The following CEP120 variants were observed in gnomAD, a reference collection of about 807,000 sequenced individuals.
CEP120 encodes centrosomal protein 120.
CEP120 carries 113 observed loss-of-function variants against 126.5 expected under a neutral mutation model. The observed-to-expected ratio is 0.89, with a 90% CI of 0.77 to 1.04. The LOEUF (loss-of-function observed/expected upper bound fraction) is 1.04. CEP120 is among the 50% of genes least tolerant of loss of function. The pLI is 0.00. For synonymous variants in CEP120, 400 were observed against 394.3 expected, an observed-to-expected ratio of 1.01 and a Z score of -0.17; for missense variants, 1,230 against 1,155.7, an observed-to-expected ratio of 1.06 and a Z score of -0.93.
chr5:123,419,986 A>G (rs1274344400), intron 1 of CEP120, among the ~76,000 whole-genome samples: 1 of 152,174 alleles, frequency 6.6e-6, no homozygotes, highest in African/African-American at 2.4e-5. Flanking sequence ...CCCTGCTGCT[A>G]CTCACCCTGG....
intron 11 of CEP120, among the ~76,000 whole-genome samples, chr5:123,383,671 C>A (rs1223619275): frequency 1.3e-5 from 2 of 152,028 alleles, no homozygotes; most frequent in Non-Finnish European, 2.9e-5. Flanking sequence ...TTTTACTAGA[C>A]ATAAGCAATG....
rs757479997 is a variant in CEP120 at position 123,346,773 on chromosome 5, T to C, written c.2727-20A>G. On this transcript the variant is annotated intron_variant, in intron 19 of 19. Coordinates refer to ENST00000306467, the MANE Select transcript of CEP120 (RefSeq NM_001375405.1). ...CTTAACCTGAGAAGTCAAGAACAAA[T>C]GCCACTGTAGCAACTGTGTTGGTTT... The C allele has an allele frequency of 1.9e-6, 3 of 1,539,680 alleles. No homozygotes were observed. The highest frequency in any genetic ancestry group is 2.8e-5 in the African/African-American group (2 of 72,608).
chr5:123,423,189 A>G lies in CEP120; in HGVS notation c.-191T>C. The G allele has an allele frequency of 1.7e-6, 1 of 603,986 alleles. No homozygotes were observed. The highest frequency in any genetic ancestry group is 1.9e-5 in the South Asian group (1 of 51,870). 37.4% of individuals were successfully genotyped at this position (603,986 alleles called of 1,614,324 possible). ...CCCGGCTCCTCTGCCTCGGGCCGCC[A>G]GCCCAGATCCTAACTGTGCCCCGAC... On this transcript the variant is annotated 5_prime_UTR_variant, in exon 1 of 20. Coordinates refer to ENST00000306467, the MANE Select transcript of CEP120 (RefSeq NM_001375405.1).
chr5:123,391,691 C>T (rs965313453), intron 6 of CEP120, among the ~76,000 whole-genome samples: 4 of 151,982 alleles, frequency 2.6e-5, no homozygotes, highest in African/African-American at 7.2e-5. Flanking sequence ...CAAAGAAATA[C>T]CTCAACATTT....
At chr5:123,389,089 C>T (rs894374761) in intron 8 of CEP120, among the ~76,000 whole-genome samples, 3 of 152,248 alleles carry the variant, frequency 2.0e-5, no homozygotes, top group African/African-American at 4.8e-5. Context: ...AGTGAGTGGC[C>T]GAAGTCACAC....
At chr5:123,388,194 TAA>T (rs1350201972) in intron 9 of CEP120, 6 of 263,334 alleles carry the variant, frequency 2.3e-5, no homozygotes, top group Admixed American at 1.6e-4. Flanking sequence ...TTACTTAGAA[TAA>T]GTTATTATAA....
chr5:123,356,740 C>CT (rs1434817419), intron 18 of CEP120, among the ~76,000 whole-genome samples: 9 of 151,820 alleles, frequency 5.9e-5, no homozygotes, highest in African/African-American at 2.2e-4. Context: ...ATGCAACATA[C>CT]TTTAAACATT....
At chr5:123,423,828 C>G (rs949829451), upstream of CEP120, among the ~76,000 whole-genome samples, 2 of 152,128 alleles carry the variant, frequency 1.3e-5, no homozygotes. Context: ...AAATTTCCGA[C>G]CTTTGAAAAC....
intron 4 of CEP120, chr5:123,401,715 G>A: frequency 1.5e-6 from 2 of 1,348,398 alleles, no homozygotes; most frequent in Non-Finnish European, 2.1e-6. Flanking sequence ...CGAGACTCCA[G>A]CTCTACCTTG....
In CEP120 at chr5:123,391,248, C is replaced by G. The variant is rs373217138; in HGVS notation, c.900G>C (p.Gln300His). 5 of 1,614,150 alleles carry G rather than the reference C, an allele frequency of 3.1e-6. No individual in the cohort carries two copies. Among genetic ancestry groups the G allele is most frequent in the Non-Finnish European group, 4.2e-6 (5 of 1,180,014 alleles). Residue 300 changes from glutamine to histidine, a missense_variant, in exon 7 of 20, where the codon CAG (glutamine) becomes CAC (histidine). Transcript: ENST00000306467. ...AAGCACCTTCGACTGTGACTGGGTG[C>G]TGGTTGATTTCTGTACTGCCCTTTT... ...LLKKGSTEIN[Q>H]HPVTVEGAFT...
At chr5:123,399,054 G>A (rs925070589) in intron 5 of CEP120, 82 bp downstream of exon 5, 2 of 1,079,078 alleles carry the variant, frequency 1.9e-6, no homozygotes, top group Middle Eastern at 2.2e-4. Flanking sequence ...CTACTTGCAA[G>A]TCTTTTTAAT....
intron 11 of CEP120, among the ~76,000 whole-genome samples, 184 bp downstream of exon 11, chr5:123,384,767 G>C (rs752630365): frequency 3.3e-5 from 5 of 152,222 alleles, no homozygotes; most frequent in South Asian, 2.1e-4. Flanking sequence ...GTATCAGAAA[G>C]CTAAAGGGCA....
intron 6 of CEP120, among the ~76,000 whole-genome samples, chr5:123,392,249 G>A (rs1772455437): frequency 3.3e-5 from 5 of 152,102 alleles, no homozygotes. Flanking sequence ...GGACTGATAT[G>A]TTAGATACAG....
chr5:123,355,539 A>T (rs1769533542), intron 18 of CEP120, among the ~76,000 whole-genome samples: 1 of 152,164 alleles, frequency 6.6e-6, no homozygotes, highest in African/African-American at 2.4e-5. Context: ...ATGGCCAGTG[A>T]TGATGAGCAT....
chr5:123,357,107 G>A (rs562388900), intron 18 of CEP120, among the ~76,000 whole-genome samples: 17 of 152,116 alleles, frequency 1.1e-4, no homozygotes, highest in African/African-American at 4.1e-4. Context: ...CTATTTTACT[G>A]TCTTACAAAT....
intron 5 of CEP120, among the ~76,000 whole-genome samples, chr5:123,394,138 T>TA (rs1772600022): frequency 1.3e-5 from 2 of 152,214 alleles, no homozygotes. Flanking sequence ...AGCATACTGT[T>TA]AAACAATAAG....
rs1393219638 is a variant in CEP120, at chr5:123,416,387, C to T, written c.207-263G>A. 2.0e-5 allele frequency among the ~76,000 whole-genome samples: 3 copies of T among 151,628 alleles called. No homozygotes were observed. In the East Asian group the frequency reaches 5.8e-4, roughly 29 times the overall value. ...ACCATCCTGACCAACATGGTGAAAC[C>T]TCATCTCTACTAAAATTAAAAAAAA... On this transcript the variant is annotated intron_variant, in intron 2 of 19. Coordinates refer to ENST00000306467, the MANE Select transcript of CEP120 (RefSeq NM_001375405.1).
chr5:123,350,113 T>A (rs2126966159), intron 18 of CEP120, 24 bp from the exon 19 acceptor site: 2 of 1,587,284 alleles, frequency 1.3e-6, no homozygotes, highest in East Asian at 4.5e-5. Context: ...AAGAAACAAG[T>A]CATATCCTTA....
chr5:123,410,698 G>A (rs1398620357), intron 4 of CEP120, among the ~76,000 whole-genome samples: 2 of 152,194 alleles, frequency 1.3e-5, no homozygotes. Flanking sequence ...ATGGATTACA[G>A]ACCTAAATGT....
Sources: allele counts gnomAD v4.1 joint callset (sites outside exome capture counted in the v4.1 genomes callset), GRCh38; gene constraint gnomAD v4.1.1; transcripts MANE v1.5; gene names NCBI Gene and HGNC (gene_info 2026-07-23, HGNC 2026-07-21).